Variants in NRG1 observed in about 807,000 individuals in gnomAD.
The protein encoded by NRG1 is pro-neuregulin-1, membrane-bound isoform.
Under a neutral mutation model 63.8 loss-of-function variants are expected in NRG1, and 18 were observed. That is an observed-to-expected ratio of 0.28 (90% CI 0.19 to 0.42). The LOEUF (loss-of-function observed/expected upper bound fraction) is 0.42, where lower values mean the gene tolerates loss of function less well. NRG1 is among the 10% of genes least tolerant of loss of function. The probability of loss-of-function intolerance (pLI) is 1.00; values close to 1 mark genes in which losing one functional copy is unlikely to be tolerated. For missense variants in NRG1, 762 were observed against 814.7 expected (o/e 0.94, Z 0.79); for synonymous variants, 302 against 301.3 (o/e 1.00, Z -0.02).
intron 1 of NRG1, among the ~76,000 whole-genome samples, chr8:32,554,902 G>GACTT (rs367574159): frequency 1.8e-5 from 1 of 57,100 alleles, no homozygotes; most frequent in African/African-American, 4.1e-5. Context: ...ATTCCCCAAA[G>GACTT]ACTGCTTTTT....
At chr8:31,904,446 A>C (rs937146317) in intron 1 of NRG1, among the ~76,000 whole-genome samples, 3 of 152,212 alleles carry the variant, frequency 2.0e-5, no homozygotes, top group Non-Finnish European at 2.9e-5. Context: ...TGCTGCTTGG[A>C]ATGTAAATTA....
At chr8:32,653,850 A>G (rs1221838050) in intron 5 of NRG1, among the ~76,000 whole-genome samples, 1 of 152,194 alleles carries the variant, frequency 6.6e-6, no homozygotes, top group Non-Finnish European at 1.5e-5. Flanking sequence ...ACATGAGTTC[A>G]TATACTATTC....
At chr8:31,669,591 A>G (rs1806908164) in intron 1 of NRG1, among the ~76,000 whole-genome samples, 1 of 152,104 alleles carries the variant, frequency 6.6e-6, no homozygotes, top group Non-Finnish European at 1.5e-5. Context: ...GTGTACATTG[A>G]ACCATCAGAA....
chr8:31,758,052 AT>A (rs1452713739), intron 1 of NRG1, among the ~76,000 whole-genome samples: 1 of 149,738 alleles, frequency 6.7e-6, no homozygotes, highest in East Asian at 1.9e-4. Context: ...TTGTGCCTGG[AT>A]TTATTTATTT....
At chr8:32,523,503 C>T (rs1021183168) in intron 1 of NRG1, among the ~76,000 whole-genome samples, 23 of 152,170 alleles carry the variant, frequency 1.5e-4, no homozygotes, top group African/African-American at 3.9e-4. Context: ...ATTTCTAGTA[C>T]GGTAAACACT....
At chr8:32,137,889 GTTC>G (rs1414046881) in intron 1 of NRG1, among the ~76,000 whole-genome samples, 3 of 152,274 alleles carry the variant, frequency 2.0e-5, no homozygotes, top group South Asian at 2.1e-4. Context: ...TGTATATGTA[GTTC>G]TTCTGCCAAA....
At chr8:31,825,082 C>A (rs557560852) in intron 1 of NRG1, among the ~76,000 whole-genome samples, 45 of 152,256 alleles carry the variant, frequency 3.0e-4, no homozygotes, top group African/African-American at 9.9e-4. Context: ...AGGCATATAG[C>A]AAATGCCTTT....
chr8:32,773,564 G>A (rs1265901481), intron 7 of NRG1, among the ~76,000 whole-genome samples: 1 of 152,126 alleles, frequency 6.6e-6, no homozygotes, highest in African/African-American at 2.4e-5. Context: ...TGGTGACAAT[G>A]GTGATTGTAC....
At chr8:32,415,681 T>C (rs10954842) in intron 1 of NRG1, among the ~76,000 whole-genome samples, 21,537 of 152,180 alleles carry the variant, frequency 0.14, 1,978 homozygotes, top group Admixed American at 0.26. Flanking sequence ...CTTTCATACA[T>C]ACTTGTTTCC....
intron 1 of NRG1, among the ~76,000 whole-genome samples, chr8:32,307,536 G>A (rs1856327001): frequency 6.6e-6 from 1 of 151,974 alleles, no homozygotes; most frequent in Admixed American, 6.6e-5. Flanking sequence ...GAAAGTGTGG[G>A]GTTAGGAATC....
At chr8:32,720,724 C>T (rs997105431) in intron 5 of NRG1, among the ~76,000 whole-genome samples, 7 of 151,938 alleles carry the variant, frequency 4.6e-5, no homozygotes, top group African/African-American at 1.5e-4. Context: ...CCATGGTATT[C>T]GTATCATTGA....
intron 1 of NRG1, among the ~76,000 whole-genome samples, chr8:32,258,769 A>C (rs1047984301): frequency 6.6e-6 from 1 of 152,144 alleles, no homozygotes; most frequent in Non-Finnish European, 1.5e-5. Flanking sequence ...CTCTCCACAC[A>C]TGGGGATTAT....
intron 1 of NRG1, among the ~76,000 whole-genome samples, chr8:31,718,500 G>C (rs1812586595): frequency 6.6e-6 from 1 of 152,160 alleles, no homozygotes; most frequent in Non-Finnish European, 1.5e-5. Flanking sequence ...AATCCAGAAT[G>C]TTTGCAACAG....
intron 1 of NRG1, among the ~76,000 whole-genome samples, chr8:31,971,157 C>CT (rs1440300496): frequency 1.3e-5 from 2 of 151,768 alleles, no homozygotes; most frequent in Non-Finnish European, 2.9e-5. Flanking sequence ...TGTTTTAAGA[C>CT]TTCATCGTAT....
chr8:32,450,504 C>A (rs1298116093), intron 1 of NRG1, among the ~76,000 whole-genome samples: 1 of 152,158 alleles, frequency 6.6e-6, no homozygotes, highest in Non-Finnish European at 1.5e-5. Context: ...GCAGCCTTAA[C>A]CCCCAGGCTC....
intron 1 of NRG1, chr8:31,641,892 C>T (rs7819063): frequency 0.24 from 36,146 of 151,828 alleles, 4,737 homozygotes; most frequent in African/African-American, 0.3. Flanking sequence ...CTGGTGGGGG[C>T]CAATTATTTA....
chr8:31,672,402 T>C (rs1807248624), intron 1 of NRG1, among the ~76,000 whole-genome samples: 1 of 152,118 alleles, frequency 6.6e-6, no homozygotes, highest in African/African-American at 2.4e-5. Context: ...TGCAGATAGT[T>C]TCACCGAAGC....
intron 1 of NRG1, among the ~76,000 whole-genome samples, chr8:32,528,115 C>G (rs1369024542): frequency 2.0e-5 from 3 of 152,206 alleles, no homozygotes; most frequent in African/African-American, 7.2e-5. Flanking sequence ...TCATCCAGGT[C>G]TCTCCTTAAA....
chr8:31,692,388 T>G (rs1354027773), intron 1 of NRG1, among the ~76,000 whole-genome samples: 1 of 152,256 alleles, frequency 6.6e-6, no homozygotes, highest in Non-Finnish European at 1.5e-5. Flanking sequence ...GTATTGAGCA[T>G]GTATCTTGCT....
Sources: allele counts gnomAD v4.1 joint callset (sites outside exome capture counted in the v4.1 genomes callset), GRCh38; gene constraint gnomAD v4.1.1; transcripts MANE v1.5; gene names NCBI Gene and HGNC (gene_info 2026-07-23, HGNC 2026-07-21).